The following PIK3C2G variants were observed in gnomAD, a reference collection of about 807,000 sequenced individuals.
PIK3C2G encodes phosphatidylinositol-4-phosphate 3-kinase catalytic subunit type 2 gamma.
A neutral mutation model predicts 181.1 loss-of-function variants in PIK3C2G; 168 were observed. That is an observed-to-expected ratio of 0.93 (90% CI 0.82 to 1.05). The LOEUF is 1.05. Among genes scored for constraint, PIK3C2G ranks in the 50% least tolerant of loss-of-function variants. The pLI is 0.00. For synonymous variants in PIK3C2G, 573 were observed against 592.2 expected (o/e 0.97, Z 0.47); for missense variants, 1,869 against 1,732.8 (o/e 1.08, Z -1.40).
downstream of PIK3C2G, among the ~76,000 whole-genome samples, chr12:18,650,294 T>G: frequency 5.4e-4 from 7 of 12,996 alleles, no homozygotes; most frequent in South Asian, 0.065. Flanking sequence ...AACCCAAATT[T>G]CTCTCTCTCT....
chr12:18,289,846 A>T (rs1949612766), intron 3 of PIK3C2G, among the ~76,000 whole-genome samples: 2 of 151,978 alleles, frequency 1.3e-5, no homozygotes, highest in African/African-American at 4.8e-5. Flanking sequence ...TCTGCAATTT[A>T]GGTAGAGAAC....
chr12:18,408,405 C>A (rs1034366831), intron 16 of PIK3C2G, among the ~76,000 whole-genome samples: 2 of 152,142 alleles, frequency 1.3e-5, no homozygotes, highest in African/African-American at 4.8e-5. Context: ...GGCCTCTGTT[C>A]TGTTCCATTG....
intron 16 of PIK3C2G, among the ~76,000 whole-genome samples, chr12:18,408,792 A>C (rs1592183416): frequency 1.3e-5 from 2 of 152,310 alleles, no homozygotes; most frequent in African/African-American, 4.8e-5. Flanking sequence ...CAAACATATG[A>C]AAAAAAGCTT....
intron 5 of PIK3C2G, among the ~76,000 whole-genome samples, chr12:18,298,926 A>G (rs559083015): frequency 1.5e-3 from 224 of 151,812 alleles, no homozygotes; most frequent in African/African-American, 5.3e-3. Context: ...TTTCATATCA[A>G]TATCATTTTG....
At chr12:18,650,704 GTATATATCTATATATATATATATATATA>G (rs1950449939), downstream of PIK3C2G, among the ~76,000 whole-genome samples, 15 of 57,790 alleles carry the variant, frequency 2.6e-4, no homozygotes, top group African/African-American at 5.2e-4. Context: ...GTGTGTGTGT[GTATATATCTATATATATATATATATATA>G]TATATATATA....
At chr12:18,559,821 T>TAGAGAGAGAGAGAG (rs1171468138) in intron 26 of PIK3C2G, among the ~76,000 whole-genome samples, 20 of 18,364 alleles carry the variant, frequency 1.1e-3, no homozygotes, top group Non-Finnish European at 1.3e-3. Flanking sequence ...TATATATATA[T>TAGAGAGAGAGAGAG]AGAGAGAGAG....
upstream of PIK3C2G, among the ~76,000 whole-genome samples, chr12:18,245,301 C>T (rs529751044): frequency 1.3e-5 from 2 of 152,096 alleles, no homozygotes; most frequent in Non-Finnish European, 2.9e-5. Context: ...ACTCAGTCAG[C>T]GCTGCATTTT....
intron 15 of PIK3C2G, among the ~76,000 whole-genome samples, chr12:18,399,194 C>CAAAAAAAAAAAAAAAAAAAAAAAAAAA (rs536592064): frequency 1.2e-5 from 1 of 80,464 alleles, no homozygotes; most frequent in Non-Finnish European, 2.7e-5. Flanking sequence ...GACTCCGTCT[C>CAAAAAAAAAAAAAAAAAAAAAAAAAAA]AAAAAAAAAA....
At chr12:18,286,794 T>C in intron 2 of PIK3C2G, 53 bp from the exon 3 acceptor site, 1 of 939,894 alleles carries the variant, frequency 1.1e-6, no homozygotes, top group South Asian at 1.6e-5. Flanking sequence ...TGTAGAATTA[T>C]TTAATAGTTT....
At chr12:18,312,863 G>A (rs1474953204) in intron 5 of PIK3C2G, among the ~76,000 whole-genome samples, 2 of 151,992 alleles carry the variant, frequency 1.3e-5, no homozygotes, top group Non-Finnish European at 2.9e-5. Flanking sequence ...ATATAGTATA[G>A]TAAATTCTAT....
intron 16 of PIK3C2G, among the ~76,000 whole-genome samples, chr12:18,405,692 T>G (rs76113215): frequency 1.3e-5 from 2 of 152,084 alleles, no homozygotes; most frequent in Admixed American, 6.6e-5. Flanking sequence ...AAAAACAGAT[T>G]AATGAATTTG....
At chr12:18,321,393 G>A (rs1951100528) in intron 7 of PIK3C2G, among the ~76,000 whole-genome samples, 1 of 152,108 alleles carries the variant, frequency 6.6e-6, no homozygotes, top group Non-Finnish European at 1.5e-5. Context: ...TCTCCTACTT[G>A]TTTCTGAAAC....
intron 31 of PIK3C2G, among the ~76,000 whole-genome samples, chr12:18,634,500 A>G (rs1477808406): frequency 2.6e-5 from 4 of 152,220 alleles, no homozygotes; most frequent in Non-Finnish European, 5.9e-5. Context: ...GTAAGAAGAA[A>G]CACCACTTTT....
At chr12:18,682,952 A>C in the PIK3C2G span, among the ~76,000 whole-genome samples, 1 of 152,004 alleles carries the variant, frequency 6.6e-6, no homozygotes, top group Non-Finnish European at 1.5e-5. Context: ...AAAGCTTATA[A>C]ATTCTAGTAA....
chr12:18,597,941 G>A (rs1200864713), intron 30 of PIK3C2G, among the ~76,000 whole-genome samples: 1 of 152,048 alleles, frequency 6.6e-6, no homozygotes, highest in African/African-American at 2.4e-5. Context: ...CAACTTACAA[G>A]GGATGTGAAG....
chr12:18,700,538 A>AAAAAAAAAAAAAG, the PIK3C2G span, among the ~76,000 whole-genome samples: 3 of 135,918 alleles, frequency 2.2e-5, no homozygotes, highest in Non-Finnish European at 1.5e-5. Context: ...AAAAAAAAAT[A>AAAAAAAAAAAAAG]GTTGCTCTGC....
At chr12:18,308,805 T>C (rs960466759) in intron 5 of PIK3C2G, among the ~76,000 whole-genome samples, 20 of 151,656 alleles carry the variant, frequency 1.3e-4, no homozygotes, top group Non-Finnish European at 2.5e-4. Context: ...ATAAACTTAT[T>C]ACACGTAAAT....
chr12:18,595,654 T>C (rs950156277), intron 30 of PIK3C2G, among the ~76,000 whole-genome samples: 1 of 152,166 alleles, frequency 6.6e-6, no homozygotes, highest in Non-Finnish European at 1.5e-5. Context: ...CTCTTTGGCT[T>C]CTGATTGCCC....
chr12:18,647,430 T>C (rs1055991238), intron 32 of PIK3C2G, among the ~76,000 whole-genome samples: 1 of 150,692 alleles, frequency 6.6e-6, no homozygotes, highest in Non-Finnish European at 1.5e-5. Context: ...AACCTGCACA[T>C]CTATTCCCCT....
Sources: gnomAD v4.1 joint callset for allele counts (sites outside exome capture counted in the v4.1 genomes callset) on GRCh38, gnomAD v4.1.1 for gene constraint, MANE v1.5 for transcripts, NCBI Gene and HGNC (gene_info 2026-07-23, HGNC 2026-07-21) for gene names.